PUM3: variants seen among roughly 807,000 people sequenced by gnomAD.
The protein encoded by PUM3 is pumilio RNA binding family member 3.
PUM3 carries 91 observed loss-of-function variants against 84.0 expected under a neutral mutation model. That is an observed-to-expected ratio of 1.08 (90% CI 0.91 to 1.29). PUM3 has a LOEUF of 1.29. PUM3 is among the 50% of genes most tolerant of loss of function. PUM3 has a pLI of 0.00. For missense variants in PUM3, 1,067 were observed against 767.5 expected (o/e 1.39, Z -4.61); for synonymous variants, 321 against 266.7 (o/e 1.20, Z -1.98).
At chr9:2,812,424 G>T in intron 13 of PUM3, 62 bp from the exon 14 acceptor site, 1 of 1,148,470 alleles carries the variant, frequency 8.7e-7, no homozygotes, top group Non-Finnish European at 1.2e-6. Flanking sequence ...AAGTACCACA[G>T]GACCTTTCTT....
intron 9 of PUM3, chr9:2,828,461 T>A: frequency 2.2e-6 from 1 of 463,108 alleles, no homozygotes. Flanking sequence ...AAATCACGAA[T>A]GCATGTTAGT....
chr9:2,829,819 G>C lies in PUM3; in HGVS notation c.807C>G (p.Asn269Lys), dbSNP rs1815923394. 2.5e-6 allele frequency: 4 copies of C among 1,614,152 alleles called. No homozygotes were observed. The highest frequency in any genetic ancestry group is 3.4e-6 in the Non-Finnish European group (4 of 1,179,968). The change falls in exon 8 of 18, where the codon AAC becomes AAG. Residue 269 changes from asparagine (N) to lysine (K), a missense_variant. Physicochemically the swap from Asn to Lys is moderately conservative, Grantham distance 94. Coordinates refer to ENST00000397885, the MANE Select transcript of PUM3 (RefSeq NM_014878.5). ...YNDKAILEQR[N>K]MLTEELYGNT... ...TCCCATAGAGCTCTTCCGTCAGCAT[G>C]TTCCTCTGCTCCAAAATGGCTTTGT...
chr9:2,818,962 T>C (rs1283781958), intron 13 of PUM3, among the ~76,000 whole-genome samples: 1 of 152,258 alleles, frequency 6.6e-6, no homozygotes, highest in Non-Finnish European at 1.5e-5. Context: ...ATTCTCTTTT[T>C]GAATCATCAT....
At chr9:2,819,488 G>A in intron 13 of PUM3, among the ~76,000 whole-genome samples, 1 of 152,188 alleles carries the variant, frequency 6.6e-6, no homozygotes, top group Admixed American at 6.5e-5. Flanking sequence ...AAAGCTCTAA[G>A]AAGCATCACA....
chr9:2,811,947 C>T (rs539806364), intron 14 of PUM3, among the ~76,000 whole-genome samples: 3 of 151,970 alleles, frequency 2.0e-5, no homozygotes, highest in South Asian at 2.1e-4. Flanking sequence ...TATGTGGTAT[C>T]GGTAGCTTTG....
chr9:2,812,248 G>A lies in PUM3; in HGVS notation c.1384C>T (p.Leu462=), dbSNP rs1821389800. The A allele has an allele frequency of 1.2e-6, 2 of 1,613,450 alleles. No individual in the cohort carries two copies. Among genetic ancestry groups the A allele is most frequent in the African/African-American group, 2.7e-5 (2 of 74,872 alleles). Residue 462 remains leucine (L), a synonymous_variant, in exon 14 of 18, where the codon CTG becomes TTG. Coordinates refer to ENST00000397885, the MANE Select transcript of PUM3 (RefSeq NM_014878.5). ...TGTGCATTTCCATCTCCTTTTTGCAGAACTTCAATGATTTCTCGTACTGTA... is the reference window on the plus strand; with the variant it reads ...TGTGCATTTCCATCTCCTTTTTGCAAAACTTCAATGATTTCTCGTACTGTA... ...AHTVREIIEV[L]QKGDGNAHSK...
chr9:2,825,136 A>T (rs1198391301), intron 10 of PUM3, among the ~76,000 whole-genome samples: 1 of 152,174 alleles, frequency 6.6e-6, no homozygotes, highest in Non-Finnish European at 1.5e-5. Context: ...AAGAAAAAGA[A>T]GCCTAGGAGG....
intron 7 of PUM3, among the ~76,000 whole-genome samples, chr9:2,830,483 C>T (rs558465396): frequency 6.6e-6 from 1 of 152,288 alleles, no homozygotes; most frequent in African/African-American, 2.4e-5. Flanking sequence ...CCTGTCCCTC[C>T]CCAGTCTCCA....
At chr9:2,830,818 T>G in intron 7 of PUM3, 144 bp downstream of exon 7, 1 of 581,570 alleles carries the variant, frequency 1.7e-6, no homozygotes, top group South Asian at 2.1e-5. Context: ...GATGATACTC[T>G]CTAAAAACAA....
chr9:2,829,560 G>C (rs1815916053), intron 8 of PUM3, among the ~76,000 whole-genome samples: 1 of 152,162 alleles, frequency 6.6e-6, no homozygotes, highest in Non-Finnish European at 1.5e-5. Context: ...AGTTTGAATT[G>C]AAGGGGATTT....
chr9:2,839,651 T>C (rs1303062776), intron 1 of PUM3, among the ~76,000 whole-genome samples: 1 of 152,222 alleles, frequency 6.6e-6, no homozygotes, highest in Non-Finnish European at 1.5e-5. Context: ...ATCTAGACTT[T>C]TCTAATGATT....
chr9:2,830,902 T>C lies in PUM3; in HGVS notation c.677+60A>G, dbSNP rs73377858. On this transcript the variant is annotated intron_variant, in intron 7 of 17. Transcript: ENST00000397885. Reference sequence around the variant, plus strand: ...CTTCCTATCTCGCATCTGAGCACAGTTGGAAACCATGTCTTCAAAAGACAA... The same window carrying C: ...CTTCCTATCTCGCATCTGAGCACAGCTGGAAACCATGTCTTCAAAAGACAA... 7.1e-4 allele frequency: 614 copies of C among 866,634 alleles called. 1 individual carries two copies. The African/African-American group carries it at 9.1e-3, about 13-fold the overall frequency. The allele number at this position is 866,634 out of a possible 1,614,324, so 53.7% of individuals were successfully genotyped here.
At chr9:2,827,192 G>C (rs368280912) in intron 9 of PUM3, 41 bp from the exon 10 acceptor site, 1 of 1,408,560 alleles carries the variant, frequency 7.1e-7, no homozygotes, top group Non-Finnish European at 9.9e-7. Context: ...CAACAGATCT[G>C]GCACTACAGT....
chr9:2,837,560 ACAAT>A (rs1816161369), intron 2 of PUM3, among the ~76,000 whole-genome samples, 159 bp from the exon 3 acceptor site: 1 of 152,254 alleles, frequency 6.6e-6, no homozygotes, highest in South Asian at 2.1e-4. Context: ...CTGGATTTAA[ACAAT>A]CAAAACAAAA....
At position 2,835,992 on chromosome 9, in the gene PUM3, A is replaced by T. The variant is rs1816109830; in HGVS notation, c.304+1188T>A. 4.6e-5 allele frequency among the ~76,000 whole-genome samples: 7 copies of T among 152,298 alleles called. No homozygotes were observed. The South Asian group carries it at 1.2e-3, about 27-fold the overall frequency. On this transcript the variant is annotated intron_variant, in intron 3 of 17. Coordinates refer to ENST00000397885, the MANE Select transcript of PUM3 (RefSeq NM_014878.5). ...ATCTAGTAGAGAGGTTAGGAAAGAG[A>T]AAGTAGAAAAGAGAGCTGGAAGAGA...
chr9:2,816,724 G>T, intron 13 of PUM3, among the ~76,000 whole-genome samples: 1 of 152,144 alleles, frequency 6.6e-6, no homozygotes, highest in Non-Finnish European at 1.5e-5. Flanking sequence ...AGGTTTGTGA[G>T]CCCTGGGTGA....
In PUM3 at chr9:2,834,095, G is replaced by A; in HGVS notation, c.376C>T (p.Leu126Phe). 6.2e-7 allele frequency: 1 copy of A among 1,613,702 alleles called. No individual in the cohort carries two copies. The highest frequency in any genetic ancestry group is 8.5e-7 in the Non-Finnish European group (1 of 1,179,758). ...ATGTCATAGTTGGTTTTATCACTGA[G>A]TTGTCTGCTTTGCTTCAGTTCTTTC... is the stretch of plus-strand genomic sequence containing the variant. ...KKKELKQSRQ[L>F]SDKTNYDIVV... The change falls in exon 4 of 18, where the codon CTC becomes TTC. Residue 126 changes from leucine (L) to phenylalanine (F), a missense_variant. By Grantham distance (22) the Leu-to-Phe change is conservative (BLOSUM62 0). Coordinates refer to ENST00000397885, the MANE Select transcript of PUM3 (RefSeq NM_014878.5).
At chr9:2,833,891 C>G in intron 4 of PUM3, 140 bp downstream of exon 4, 2 of 745,250 alleles carry the variant, frequency 2.7e-6, no homozygotes, top group Non-Finnish European at 4.4e-6. Flanking sequence ...GTACTGATGT[C>G]TCTAATGGGG....
chr9:2,834,897 C>T lies in PUM3; in HGVS notation c.305-731G>A, dbSNP rs1224183475. Among the ~76,000 whole-genome samples the T allele has an allele frequency of 2.0e-5, 3 of 150,372 alleles. No individual in the cohort carries two copies. The East Asian group carries it at 5.9e-4, about 29-fold the overall frequency. On this transcript the variant is annotated intron_variant, in intron 3 of 17. Coordinates refer to ENST00000397885, the MANE Select transcript of PUM3 (RefSeq NM_014878.5). ...TACCAATTGAACTAATGATGCCAAACAAAGAACAACTTACTAAAATGGGTA... is the reference window on the plus strand; with the variant it reads ...TACCAATTGAACTAATGATGCCAAATAAAGAACAACTTACTAAAATGGGTA...
Sources: gnomAD v4.1 joint callset for allele counts (sites outside exome capture counted in the v4.1 genomes callset) on GRCh38, gnomAD v4.1.1 for gene constraint, MANE v1.5 for transcripts, NCBI Gene and HGNC (gene_info 2026-07-23, HGNC 2026-07-21) for gene names.